The following RBM8A variants were observed in gnomAD, a reference collection of about 807,000 sequenced individuals.
The protein encoded by RBM8A is RNA-binding protein 8A.
A neutral mutation model predicts 25.1 loss-of-function variants in RBM8A; 8 were observed. That is an observed-to-expected ratio of 0.32 (90% CI 0.19 to 0.58). RBM8A has a LOEUF of 0.58. Ranked by LOEUF, RBM8A falls within the 20% of genes least tolerant of loss-of-function variation. RBM8A has a pLI of 0.88. For synonymous variants in RBM8A, 66 were observed against 80.0 expected (o/e 0.82, Z 0.94); for missense variants, 114 against 236.8 (o/e 0.48, Z 3.40).
chr1:145,927,282 A>T, intron 1 of RBM8A, 78 bp downstream of exon 1: 1 of 1,526,288 alleles, frequency 6.6e-7, no homozygotes, highest in East Asian at 2.4e-5. Flanking sequence ...ACGACCGAGG[A>T]AAAAAGAGTA....
At position 145,923,014 on chromosome 1, in the gene RBM8A, T is replaced by C. The variant is rs1444335459; in HGVS notation, c.*2868A>G. The C allele has an allele frequency of 5.9e-5, 9 of 151,754 alleles. No homozygotes were observed. Among genetic ancestry groups the C allele is most frequent in the African/African-American group, 1.9e-4 (8 of 41,304 alleles). The allele number at this position is 151,754 out of a possible 1,614,324, so 9.4% of individuals were successfully genotyped here. ...TCTGCTCACTGCAAGCTCCGCCTCC[T>C]GGGTTCAGGTCATTCTCCTGCCTCA... On this transcript the variant is annotated 3_prime_UTR_variant, in exon 6 of 6. Transcript: ENST00000583313.
At position 145,926,901 on chromosome 1, in the gene RBM8A, C is replaced by A. The variant is rs1648190745; in HGVS notation, c.128-15G>T. 1 of 1,613,962 alleles carries A rather than the reference C, an allele frequency of 6.2e-7. No individual in the cohort carries two copies. The highest frequency in any genetic ancestry group is 1.1e-5 in the South Asian group (1 of 91,080). On this transcript the variant is annotated splice_polypyrimidine_tract_variant and intron_variant, in intron 2 of 5. Transcript: ENST00000583313. ...GGACCCCTCTTCTATAAGGGACATACACGAGATCACCGAAAACTCCTCCTT... is the reference window on the plus strand; with the variant it reads ...GGACCCCTCTTCTATAAGGGACATAAACGAGATCACCGAAAACTCCTCCTT...
At chr1:145,925,958 A>G (rs1553755781) in intron 5 of RBM8A, 31 bp from the exon 6 acceptor site, 3 of 1,614,224 alleles carry the variant, frequency 1.9e-6, no homozygotes, top group African/African-American at 2.7e-5. Flanking sequence ...AGAGGAGTCC[A>G]TTAGAGGGAC....
chr1:145,926,734 C>T (rs1648181245), intron 3 of RBM8A, 75 bp downstream of exon 3: 1 of 1,613,838 alleles, frequency 6.2e-7, no homozygotes, highest in Non-Finnish European at 8.5e-7. Flanking sequence ...CCCATTCCTA[C>T]TGCGTTTAAC....
chr1:145,925,815 C>T lies in RBM8A; in HGVS notation c.*67G>A. 6.6e-7 allele frequency: 1 copy of T among 1,508,090 alleles called. No homozygotes were observed. The highest frequency in any genetic ancestry group is 9.2e-7 in the Non-Finnish European group (1 of 1,086,094). The allele number at this position is 1,508,090 out of a possible 1,614,324, so 93.4% of individuals were successfully genotyped here. A position where few individuals can be genotyped will look rare whatever the true frequency, so the allele number is the denominator to read the frequency against. On this transcript the variant is annotated 3_prime_UTR_variant, in exon 6 of 6. Coordinates refer to ENST00000583313, the MANE Select transcript of RBM8A (RefSeq NM_005105.5). Reference sequence around the variant, plus strand: ...TAAACACAGCAAGTTCCACCCCAGTCCTATTTGTCCAAGGCTGCATGGTCA... The same window carrying T: ...TAAACACAGCAAGTTCCACCCCAGTTCTATTTGTCCAAGGCTGCATGGTCA...
chr1:145,927,110 T>C, intron 1 of RBM8A, 33 bp from the exon 2 acceptor site: 1 of 1,604,420 alleles, frequency 6.2e-7, no homozygotes, highest in Non-Finnish European at 8.5e-7. Context: ...AATAAGTAAC[T>C]ATGACAGTCA....
rs1647999669 is a variant in RBM8A at position 145,924,644 on chromosome 1, G to T, written c.*1238C>A. The T allele has an allele frequency of 2.8e-6, 1 of 354,580 alleles. No homozygotes were observed. The highest frequency in any genetic ancestry group is 5.6e-6 in the Non-Finnish European group (1 of 178,616). 22.0% of individuals were successfully genotyped at this position (354,580 alleles called of 1,614,324 possible). ...GCTTCATATTTCTATCATAATCCCT[G>T]GGGGTAAGAAATCATATAGTCCCAG... On this transcript the variant is annotated 3_prime_UTR_variant, in exon 6 of 6. Transcript: ENST00000583313.
rs1328620682 is a variant in RBM8A at position 145,924,219 on chromosome 1, G to A, written c.*1663C>T. ...CCTTTCACTCAGTGTGTCACCAAAG[G>A]CAGCTTCAAGGCTCAATGGCAAGAG... is the stretch of plus-strand genomic sequence containing the variant. On this transcript the variant is annotated 3_prime_UTR_variant, in exon 6 of 6. Transcript: ENST00000583313. 9 of 666,484 alleles carry A rather than the reference G, an allele frequency of 1.4e-5. No individual in the cohort carries two copies. The African/African-American group carries it at 1.4e-4, about 11-fold the overall frequency. The allele number at this position is 666,484 out of a possible 1,614,324, so 41.3% of individuals were successfully genotyped here.
rs201686561 is a variant in RBM8A at position 145,926,903 on chromosome 1, C to G, written c.128-17G>C. 5.7e-4 allele frequency: 913 copies of G among 1,613,962 alleles called. 2 individuals are homozygous for G. Among genetic ancestry groups the G allele is most frequent in the Non-Finnish European group, 7.3e-4 (858 of 1,180,026 alleles). Reference sequence around the variant, plus strand: ...ACCCCTCTTCTATAAGGGACATACACGAGATCACCGAAAACTCCTCCTTTC... The same window carrying G: ...ACCCCTCTTCTATAAGGGACATACAGGAGATCACCGAAAACTCCTCCTTTC... On this transcript the variant is annotated splice_polypyrimidine_tract_variant and intron_variant, in intron 2 of 5. Transcript: ENST00000583313.
Position 145,926,633 on chromosome 1 carries a change from G to A in RBM8A, c.206-15C>T. ...GCCTTCAACAGCTGTTGGGGGACGG[G>A]GGGAAGTTGTATGAGTACATGAGAG... On this transcript the variant is annotated splice_polypyrimidine_tract_variant and intron_variant, in intron 3 of 5. Transcript: ENST00000583313. 5 of 1,613,894 alleles carry A rather than the reference G, an allele frequency of 3.1e-6. No homozygotes were observed. The highest frequency in any genetic ancestry group is 4.2e-6 in the Non-Finnish European group (5 of 1,179,922).
Position 145,923,501 on chromosome 1 carries a change from G to C in RBM8A, c.*2381C>G, listed in dbSNP as rs1051304483. The C allele has an allele frequency of 1.2e-5, 2 of 166,126 alleles. No homozygotes were observed. Among genetic ancestry groups the C allele is most frequent in the Non-Finnish European group, 2.6e-5 (2 of 77,024 alleles). 10.3% of individuals were successfully genotyped at this position (166,126 alleles called of 1,614,324 possible). On this transcript the variant is annotated 3_prime_UTR_variant, in exon 6 of 6. Transcript: ENST00000583313. ...TGTATCTAGGAATCTGATGCCTACT[G>C]AGCTTACCTTTTATCAAATTAATAG...
Position 145,927,083 on chromosome 1 carries a change from A to T in RBM8A, c.68-6T>A. On this transcript the variant is annotated splice_polypyrimidine_tract_variant and splice_region_variant and intron_variant, in intron 1 of 5. Coordinates refer to ENST00000583313, the MANE Select transcript of RBM8A (RefSeq NM_005105.5). Reference sequence around the variant, plus strand: ...TTTCAGTTTGTGAATGCTCTCTGGAACCCCAGAAGATAAAAGAATAAGTAA... The same window carrying T: ...TTTCAGTTTGTGAATGCTCTCTGGATCCCCAGAAGATAAAAGAATAAGTAA... 1 of 1,612,736 alleles carries T rather than the reference A, an allele frequency of 6.2e-7. No homozygotes were observed. The highest frequency in any genetic ancestry group is 8.5e-7 in the Non-Finnish European group (1 of 1,178,898).
Position 145,926,551 on chromosome 1 carries a change from G to A in RBM8A, c.273C>T (p.Asp91=). ...TAATTTCCCCATATTCTGCGAATTTGTCGTGTATGTCTTCTTCGGTGGCTT... is the reference window on the plus strand; with the variant it reads ...TAATTTCCCCATATTCTGCGAATTTATCGTGTATGTCTTCTTCGGTGGCTT... ...HEEATEEDIH[D]KFAEYGEIKN... Residue 91 remains aspartate, a synonymous_variant, in exon 4 of 6, where the codon GAC becomes GAT. Transcript: ENST00000583313. The A allele has an allele frequency of 6.2e-7, 1 of 1,614,122 alleles. No individual in the cohort carries two copies. Among genetic ancestry groups the A allele is most frequent in the South Asian group, 1.1e-5 (1 of 91,090 alleles).
chr1:145,923,089 C>T lies in RBM8A; in HGVS notation c.*2793G>A, dbSNP rs1647885965. 6.6e-6 allele frequency: 1 copy of T among 152,082 alleles called. No individual in the cohort carries two copies. The highest frequency in any genetic ancestry group is 1.5e-5 in the Non-Finnish European group (1 of 68,048). 9.4% of individuals were successfully genotyped at this position (152,082 alleles called of 1,614,324 possible). Reference sequence around the variant, plus strand: ...GGACTACAGGCACCTACCACCACGCCCGGCTAGTTTTTTGTATCTTTAGTA... The same window carrying T: ...GGACTACAGGCACCTACCACCACGCTCGGCTAGTTTTTTGTATCTTTAGTA... On this transcript the variant is annotated 3_prime_UTR_variant, in exon 6 of 6. Coordinates refer to ENST00000583313, the MANE Select transcript of RBM8A (RefSeq NM_005105.5).
In RBM8A at chr1:145,923,558, C is replaced by G. The variant is rs117371762; in HGVS notation, c.*2324G>C. The G allele has an allele frequency of 1.3e-3, 281 of 212,784 alleles. 4 individuals carry two copies. The East Asian group carries it at 0.024, about 18-fold the overall frequency. 13.2% of individuals were successfully genotyped at this position (212,784 alleles called of 1,614,324 possible). A position where few individuals can be genotyped will look rare whatever the true frequency, so the allele number is the denominator to read the frequency against. ...AATCTCCATTACTGGAAAGCAGGCA[C>G]TTTAACCTTGTAGCTCTAAACAGAA... is the stretch of plus-strand genomic sequence containing the variant. On this transcript the variant is annotated 3_prime_UTR_variant, in exon 6 of 6. Coordinates refer to ENST00000583313, the MANE Select transcript of RBM8A (RefSeq NM_005105.5).
rs1647820209 is a variant in RBM8A, at chr1:145,922,190, C to G, written c.*3692G>C. On this transcript the variant is annotated 3_prime_UTR_variant, in exon 6 of 6. Transcript: ENST00000583313. ...AGTGAGCCAAGACTGCACCACTGCA[C>G]TCCGGCGTGGGCGGCAGAGCCAGAC... The G allele has an allele frequency of 6.7e-6, 1 of 148,874 alleles. No individual in the cohort carries two copies. Among genetic ancestry groups the G allele is most frequent in the African/African-American group, 2.5e-5 (1 of 40,456 alleles). The allele number at this position is 148,874 out of a possible 1,614,324, so 9.2% of individuals were successfully genotyped here. A position where few individuals can be genotyped will look rare whatever the true frequency, so the allele number is the denominator to read the frequency against.
chr1:145,927,019 G>C lies in RBM8A; in HGVS notation c.126C>G (p.Ser42=), dbSNP rs781998714. 6.2e-7 allele frequency: 1 copy of C among 1,613,984 alleles called. No homozygotes were observed. Among genetic ancestry groups the C allele is most frequent in the African/African-American group, 1.3e-5 (1 of 74,876 alleles). Residue 42 remains serine, a splice_region_variant and synonymous_variant, in exon 2 of 6, where the codon TCC becomes TCG. Coordinates refer to ENST00000583313, the MANE Select transcript of RBM8A (RefSeq NM_005105.5). ...AKKRKGRGFG[S]EEGSRARMRE... ...CTACCCCATTTTCCCCACACTCACCGGAGCCAAAGCCGCGACCCTTCCGTT... is the reference window on the plus strand; with the variant it reads ...CTACCCCATTTTCCCCACACTCACCCGAGCCAAAGCCGCGACCCTTCCGTT...
chr1:145,926,353 G>C, intron 4 of RBM8A, 129 bp downstream of exon 4: 1 of 1,479,030 alleles, frequency 6.8e-7, no homozygotes. Context: ...TGGCGTGTCT[G>C]ACAAAACATA....
intron 1 of RBM8A, 120 bp from the exon 2 acceptor site, chr1:145,927,197 G>C (rs1570949091): frequency 6.8e-7 from 1 of 1,473,466 alleles, no homozygotes; most frequent in Admixed American, 1.9e-5. Flanking sequence ...TGCCTTCCCG[G>C]TCACGCCCTC....
Sources: gnomAD v4.1 joint callset for allele counts on GRCh38, gnomAD v4.1.1 for gene constraint, MANE v1.5 for transcripts, NCBI Gene and HGNC (gene_info 2026-07-23, HGNC 2026-07-21) for gene names.